The following NEGR1 variants were observed in gnomAD, a reference collection of about 807,000 sequenced individuals.
NEGR1 encodes neuronal growth regulator 1.
A neutral mutation model predicts 40.9 loss-of-function variants in NEGR1; 10 were observed. That is an observed-to-expected ratio of 0.24 (90% CI 0.15 to 0.42). NEGR1 has a LOEUF of 0.42. NEGR1 is among the 10% of genes least tolerant of loss of function. NEGR1 has a pLI of 1.00. For synonymous variants in NEGR1, 185 were observed against 166.8 expected (o/e 1.11, Z -0.84); for missense variants, 352 against 438.9 (o/e 0.80, Z 1.77).
At chr1:71,904,818 C>A (rs1661233034) in intron 2 of NEGR1, among the ~76,000 whole-genome samples, 1 of 152,110 alleles carries the variant, frequency 6.6e-6, no homozygotes, top group South Asian at 2.1e-4. Context: ...TATTGATGCA[C>A]ACATTTCACA....
chr1:71,924,078 A>G (rs1461557172), intron 2 of NEGR1, among the ~76,000 whole-genome samples: 1 of 152,040 alleles, frequency 6.6e-6, no homozygotes, highest in African/African-American at 2.4e-5. Context: ...AATTGTAGAA[A>G]TAGGGTCTCC....
intron 1 of NEGR1, among the ~76,000 whole-genome samples, chr1:72,048,383 A>G: frequency 7.6e-6 from 1 of 130,876 alleles, no homozygotes; most frequent in Non-Finnish European, 1.6e-5. Flanking sequence ...TTAACAGTAC[A>G]TCATTAGAAA....
chr1:72,278,841 A>G (rs537937980), intron 1 of NEGR1, among the ~76,000 whole-genome samples: 1 of 152,294 alleles, frequency 6.6e-6, no homozygotes, highest in South Asian at 2.1e-4. Flanking sequence ...TCTATATTTA[A>G]TAAGTTAATG....
intron 1 of NEGR1, among the ~76,000 whole-genome samples, chr1:72,194,769 A>G (rs550160340): frequency 1.3e-5 from 2 of 152,202 alleles, no homozygotes; most frequent in African/African-American, 4.8e-5. Context: ...ATTCATGACC[A>G]CATGTCACAT....
rs17091340 is a variant in NEGR1, at chr1:71,538,412, T to C, written c.940+54405A>G. Reference sequence around the variant, plus strand: ...TGTGTGTGAGTTATCTTTTAGACTGTTGAGAGATAACATGATTGTGTTATT... The same window carrying C: ...TGTGTGTGAGTTATCTTTTAGACTGCTGAGAGATAACATGATTGTGTTATT... On this transcript the variant is annotated intron_variant, in intron 6 of 6. Coordinates refer to ENST00000357731, the MANE Select transcript of NEGR1 (RefSeq NM_173808.3). Among the ~76,000 whole-genome samples, 1,226 of 151,836 alleles carry C rather than the reference T, an allele frequency of 8.1e-3. 12 individuals carry two copies. The highest frequency in any genetic ancestry group is 0.026 in the African/African-American group (1,072 of 41,512).
chr1:71,758,327 A>G (rs1376540502), intron 3 of NEGR1, among the ~76,000 whole-genome samples: 1 of 152,140 alleles, frequency 6.6e-6, no homozygotes, highest in African/African-American at 2.4e-5. Context: ...AGATACATTT[A>G]TTAGTCACAT....
At chr1:71,861,078 T>A (rs1236954419) in intron 2 of NEGR1, among the ~76,000 whole-genome samples, 1 of 152,060 alleles carries the variant, frequency 6.6e-6, no homozygotes, top group African/African-American at 2.4e-5. Flanking sequence ...TACCTGTAAA[T>A]GACAGAATAT....
intron 6 of NEGR1, among the ~76,000 whole-genome samples, chr1:71,444,530 A>T (rs1034605171): frequency 6.6e-6 from 1 of 152,118 alleles, no homozygotes; most frequent in African/African-American, 2.4e-5. Flanking sequence ...TAAGAAATCC[A>T]TTTAAAAATC....
intron 4 of NEGR1, among the ~76,000 whole-genome samples, chr1:71,668,842 G>A (rs1453008526): frequency 1.3e-5 from 2 of 152,160 alleles, no homozygotes; most frequent in Non-Finnish European, 1.5e-5. Context: ...GCAGGGAATG[G>A]AGGGAATGTT....
chr1:72,185,688 T>C (rs1204578653), intron 1 of NEGR1, among the ~76,000 whole-genome samples: 1 of 151,878 alleles, frequency 6.6e-6, no homozygotes, highest in Admixed American at 6.6e-5. Flanking sequence ...CATCTAATAT[T>C]TTATTACATC....
intron 5 of NEGR1, among the ~76,000 whole-genome samples, chr1:71,601,958 A>T (rs1464668802): frequency 6.6e-6 from 1 of 152,134 alleles, no homozygotes; most frequent in African/African-American, 2.4e-5. Flanking sequence ...AATCTAAAAT[A>T]AATAAATAAA....
intron 6 of NEGR1, among the ~76,000 whole-genome samples, chr1:71,590,670 C>A (rs995096340): frequency 4.6e-5 from 7 of 152,028 alleles, no homozygotes; most frequent in African/African-American, 1.2e-4. Context: ...CAGAATCTAG[C>A]TCTTTGGATT....
chr1:71,914,979 A>C (rs1661529753), intron 2 of NEGR1, among the ~76,000 whole-genome samples: 3 of 152,022 alleles, frequency 2.0e-5, no homozygotes, highest in Non-Finnish European at 4.4e-5. Context: ...CATTTTGTTT[A>C]TAAAGTCTTT....
At chr1:71,984,647 C>G (rs966954144) in intron 1 of NEGR1, among the ~76,000 whole-genome samples, 5 of 152,074 alleles carry the variant, frequency 3.3e-5, no homozygotes, top group African/African-American at 9.7e-5. Flanking sequence ...AGTCTTATCT[C>G]ATATAGTTGT....
chr1:71,572,546 T>C (rs973960941), intron 6 of NEGR1, among the ~76,000 whole-genome samples: 9 of 152,362 alleles, frequency 5.9e-5, no homozygotes, highest in African/African-American at 2.2e-4. Context: ...CTAGGCATTT[T>C]ATATCACTGC....
At chr1:71,867,497 T>C (rs1267570044) in intron 2 of NEGR1, among the ~76,000 whole-genome samples, 1 of 152,160 alleles carries the variant, frequency 6.6e-6, no homozygotes, top group African/African-American at 2.4e-5. Context: ...AAATAAATAC[T>C]AAAAAGATAT....
intron 1 of NEGR1, among the ~76,000 whole-genome samples, chr1:72,252,232 C>T (rs1655127242): frequency 1.4e-5 from 2 of 145,876 alleles, no homozygotes; most frequent in Non-Finnish European, 2.9e-5. Flanking sequence ...TGAGTAGAGA[C>T]AGGATTTCTC....
At chr1:71,962,149 A>G (rs1331511308) in intron 1 of NEGR1, among the ~76,000 whole-genome samples, 1 of 152,110 alleles carries the variant, frequency 6.6e-6, no homozygotes, top group African/African-American at 2.4e-5. Context: ...GACAGAAGGA[A>G]AAGGATCTAT....
At chr1:72,004,350 A>C (rs1570599110) in intron 1 of NEGR1, among the ~76,000 whole-genome samples, 1 of 152,282 alleles carries the variant, frequency 6.6e-6, no homozygotes, top group East Asian at 1.9e-4. Context: ...TGTCTTGTCC[A>C]GGCTGGAGTG....
Sources: allele counts gnomAD v4.1 joint callset (sites outside exome capture counted in the v4.1 genomes callset), GRCh38; gene constraint gnomAD v4.1.1; transcripts MANE v1.5; gene names NCBI Gene and HGNC (gene_info 2026-07-23, HGNC 2026-07-21).